PSKH2: variants seen among roughly 807,000 people sequenced by gnomAD.
PSKH2 encodes serine/threonine-protein kinase H2.
A neutral mutation model predicts 22.5 loss-of-function variants in PSKH2; 16 were observed. The ratio of observed to expected loss-of-function variants is 0.71; its 90% CI spans 0.48 to 1.08. The LOEUF is 1.08. Among genes scored for constraint, PSKH2 ranks in the 50% least tolerant of loss-of-function variants. The pLI, the probability that PSKH2 is intolerant of heterozygous loss-of-function variation, is 0.00. For missense variants in PSKH2, 516 were observed against 492.8 expected (o/e 1.05, Z -0.44); for synonymous variants, 188 against 184.8 (o/e 1.02, Z -0.14).
chr8:86,049,813 A>G (rs1467580468), intron 2 of PSKH2, among the ~76,000 whole-genome samples: 1 of 151,490 alleles, frequency 6.6e-6, no homozygotes, highest in Non-Finnish European at 1.5e-5. Context: ...AGAAAGAGGA[A>G]GAAAGAAAGG....
intron 2 of PSKH2, among the ~76,000 whole-genome samples, chr8:86,059,786 C>T (rs1423625199): frequency 1.3e-5 from 2 of 152,222 alleles, no homozygotes; most frequent in East Asian, 1.9e-4. Flanking sequence ...CACATCTATG[C>T]TTCCAGACTT....
At chr8:86,069,680 T>C (rs867951065), upstream of PSKH2, 15 of 1,440,408 alleles carry the variant, frequency 1.0e-5, 1 homozygote, top group Middle Eastern at 2.5e-4. Context: ...GCCAGCCCCG[T>C]TCCTCCGCCC....
intron 2 of PSKH2, among the ~76,000 whole-genome samples, chr8:86,055,661 T>C (rs1817689574): frequency 6.6e-6 from 1 of 152,194 alleles, no homozygotes; most frequent in Non-Finnish European, 1.5e-5. Context: ...CAATATTCAT[T>C]CCAAGAATTC....
At chr8:86,053,905 C>T (rs1817666134) in intron 2 of PSKH2, among the ~76,000 whole-genome samples, 2 of 152,062 alleles carry the variant, frequency 1.3e-5, no homozygotes, top group African/African-American at 4.8e-5. Context: ...AGCATGGTGA[C>T]ACGCAGCGGT....
Position 86,064,324 on chromosome 8 carries a change from G to A in PSKH2, c.493C>T (p.Gln165Ter), listed in dbSNP as rs780678403. 2.5e-6 allele frequency: 4 copies of A among 1,613,984 alleles called. No individual in the cohort carries two copies. The highest frequency in any genetic ancestry group is 3.4e-6 in the Non-Finnish European group (4 of 1,180,032). ...TACCTAATCCCATCAGCAACCATCT[G>A]GAGGATCCTGACGGCATCCCGCTCT... ...FTERDAVRIL[Q>*]MVADGIRYLH... The change falls in exon 2 of 3, where the codon CAG becomes TAG. Residue 165 changes from glutamine to a stop codon, truncating the protein, a stop_gained. Coordinates refer to ENST00000276616, the MANE Select transcript of PSKH2 (RefSeq NM_033126.3). LOFTEE classifies it high-confidence loss of function.
At chr8:86,058,223 G>T (rs1043066231) in intron 2 of PSKH2, among the ~76,000 whole-genome samples, 8 of 152,090 alleles carry the variant, frequency 5.3e-5, no homozygotes, top group African/African-American at 1.7e-4. Context: ...TCCACCATCT[G>T]CTGTACCTGT....
At chr8:86,051,383 C>G (rs980197081) in intron 2 of PSKH2, among the ~76,000 whole-genome samples, 1 of 152,162 alleles carries the variant, frequency 6.6e-6, no homozygotes, top group Non-Finnish European at 1.5e-5. Flanking sequence ...CACTGCCCCC[C>G]GCCTTAATCC....
At position 86,048,580 on chromosome 8, in the gene PSKH2, T is replaced by G; in HGVS notation, c.1040A>C (p.His347Pro). ...CTGTGCAGATCCAGGACTCTGAGAG[T>G]GGGGAGAGGCCCTCTGCATGAGGTT... ...SRNLMQRASPHSQSPGSAQSS... is the reference protein window; with the variant it reads ...SRNLMQRASPPSQSPGSAQSS... Residue 347 changes from histidine (H) to proline (P), a missense_variant, in exon 3 of 3, where the codon CAC becomes CCC. His to Pro is a moderately conservative substitution (Grantham distance 77, BLOSUM62 -2). Coordinates refer to ENST00000276616, the MANE Select transcript of PSKH2 (RefSeq NM_033126.3). 6.2e-7 allele frequency: 1 copy of G among 1,613,914 alleles called. No homozygotes were observed. Among genetic ancestry groups the G allele is most frequent in the South Asian group, 1.1e-5 (1 of 91,070 alleles).
rs1325955042 is a variant in PSKH2 at position 86,047,174 on chromosome 8, C to A, written c.*1288G>T. 6.6e-6 allele frequency among the ~76,000 whole-genome samples: 1 copy of A among 151,516 alleles called. No individual in the cohort carries two copies. The highest frequency in any genetic ancestry group is 1.5e-5 in the Non-Finnish European group (1 of 67,842). ...TACAAATGAAATGAAGCATTTTTTT[C>A]ATTTACTCATTAGCCATCTATATGT... On this transcript the variant is annotated 3_prime_UTR_variant, in exon 3 of 3. Coordinates refer to ENST00000276616, the MANE Select transcript of PSKH2 (RefSeq NM_033126.3).
Position 86,069,508 on chromosome 8 carries a change from CCGCCTCGGGCCCAGGCCCCG to C in PSKH2, c.95_114del (p.Ala32GlyfsTer26). On this transcript the variant is annotated frameshift_variant, in exon 1 of 3. Coordinates refer to ENST00000276616, the MANE Select transcript of PSKH2 (RefSeq NM_033126.3). LOFTEE classifies it high-confidence loss of function. ...TGTATCCTCTGCGCCGCCTGGGCCGCCGCCTCGGGCCCAGGCCCCGCGCCTCCGACGCCGGCTTGGTTTTG... is the reference window on the plus strand; with the variant it reads ...TGTATCCTCTGCGCCGCCTGGGCCGCCGCCTCCGACGCCGGCTTGGTTTTG... 1.2e-6 allele frequency: 2 copies of C among 1,608,674 alleles called. No individual in the cohort carries two copies. The highest frequency in any genetic ancestry group is 1.7e-6 in the Non-Finnish European group (2 of 1,178,252).
Position 86,048,408 on chromosome 8 carries a change from A to G in PSKH2, c.*54T>C, listed in dbSNP as rs1586054940. 24 of 1,366,516 alleles carry G rather than the reference A, an allele frequency of 1.8e-5. No individual in the cohort carries two copies. Among genetic ancestry groups the G allele is most frequent in the Middle Eastern group, 2.0e-4 (1 of 5,106 alleles). The allele number at this position is 1,366,516 out of a possible 1,614,324, so 84.6% of individuals were successfully genotyped here. A position where few individuals can be genotyped will look rare whatever the true frequency, so the allele number is the denominator to read the frequency against. The stretch of plus-strand genomic sequence containing the variant: ...TGTCTTTGGAGCTTGAGGGTGCCCT[A>G]ATCATGATGAAATGGTCCTAAAATA... On this transcript the variant is annotated 3_prime_UTR_variant, in exon 3 of 3. Transcript: ENST00000276616.
rs1232811035 is a variant in PSKH2, at chr8:86,064,268, A to G, written c.549T>C (p.Asn183=). Residue 183 remains asparagine (N), a synonymous_variant, in exon 2 of 3, where the codon AAT becomes AAC. Transcript: ENST00000276616. ...YLHALQITHR[N]LKPENLLYYH... ...AGTATAAGAGGTTTTCAGGCTTTAG[A>G]TTCCTATGAGTTATCTGCAGCGCAT... The G allele has an allele frequency of 1.2e-6, 2 of 1,614,010 alleles. No homozygotes were observed. Among genetic ancestry groups the G allele is most frequent in the Middle Eastern group, 1.6e-4 (1 of 6,084 alleles).
In PSKH2 at chr8:86,059,738, G is replaced by C. The variant is rs371331316; in HGVS notation, c.852+4227C>G. Among the ~76,000 whole-genome samples the C allele has an allele frequency of 1.3e-4, 20 of 152,314 alleles. No individual in the cohort carries two copies. The East Asian group carries it at 2.7e-3, about 21-fold the overall frequency. Reference sequence around the variant, plus strand: ...TAGCAATCACAGATTCTGGGTATTAGGGCATGGACATCTTTGGTGGGCCAT... The same window carrying C: ...TAGCAATCACAGATTCTGGGTATTACGGCATGGACATCTTTGGTGGGCCAT... On this transcript the variant is annotated intron_variant, in intron 2 of 2. Coordinates refer to ENST00000276616, the MANE Select transcript of PSKH2 (RefSeq NM_033126.3).
rs1563537561 is a variant in PSKH2 at position 86,047,484 on chromosome 8, T to C, written c.*978A>G. 6.6e-6 allele frequency among the ~76,000 whole-genome samples: 1 copy of C among 152,180 alleles called. No individual in the cohort carries two copies. The highest frequency in any genetic ancestry group is 2.4e-5 in the African/African-American group (1 of 41,464). On this transcript the variant is annotated 3_prime_UTR_variant, in exon 3 of 3. Coordinates refer to ENST00000276616, the MANE Select transcript of PSKH2 (RefSeq NM_033126.3). ...TGTCATTCTAACATTTTATTATTTT[T>C]CTGAATAAAATAAGCAATATCAACT...
At chr8:86,061,981 A>C (rs1356140885) in intron 2 of PSKH2, among the ~76,000 whole-genome samples, 1 of 152,266 alleles carries the variant, frequency 6.6e-6, no homozygotes, top group Non-Finnish European at 1.5e-5. Context: ...TAAACAAAAC[A>C]AAAACAGAAA....
chr8:86,067,898 G>C (rs1403465895), intron 1 of PSKH2, among the ~76,000 whole-genome samples: 1 of 152,172 alleles, frequency 6.6e-6, no homozygotes, highest in Non-Finnish European at 1.5e-5. Context: ...ATTGGTTAAA[G>C]ATGAGCCTTG....
At chr8:86,056,615 A>C (rs1360810362) in intron 2 of PSKH2, among the ~76,000 whole-genome samples, 1 of 152,244 alleles carries the variant, frequency 6.6e-6, no homozygotes. Context: ...GGCAAAATTC[A>C]AACTTTCAGT....
rs1286784711 is a variant in PSKH2, at chr8:86,064,237, G to A, written c.580C>T (p.Pro194Ser). The change falls in exon 2 of 3, where the codon CCA (proline) becomes TCA (serine). Residue 194 changes from proline to serine, a missense_variant. Transcript: ENST00000276616. ...ATTAAAATTTTCGACTCTTCACCTG[G>A]ATGATAGTATAAGAGGTTTTCAGGC... is the stretch of plus-strand genomic sequence containing the variant. ...LKPENLLYYH[P>S]GEESKILITD... 4 of 1,614,112 alleles carry A rather than the reference G, an allele frequency of 2.5e-6. No homozygotes were observed. The highest frequency in any genetic ancestry group is 3.4e-6 in the Non-Finnish European group (4 of 1,180,018).
In PSKH2 at chr8:86,056,926, TTTG is replaced by T. The variant is rs1208518864; in HGVS notation, c.852+7036_852+7038del. On this transcript the variant is annotated intron_variant, in intron 2 of 2. Coordinates refer to ENST00000276616, the MANE Select transcript of PSKH2 (RefSeq NM_033126.3). ...GGAGTTTTTTTTTTTTTTTGGTTTG[TTTG>T]TTGTTGTTGTTGTTGTTGCTTAGAG... 2.4e-4 allele frequency among the ~76,000 whole-genome samples: 35 copies of T among 146,608 alleles called. No individual in the cohort carries two copies. In the East Asian group the frequency reaches 5.8e-3, roughly 24 times the overall value.
Sources: allele counts gnomAD v4.1 joint callset (sites outside exome capture counted in the v4.1 genomes callset), GRCh38; gene constraint gnomAD v4.1.1; transcripts MANE v1.5; gene names NCBI Gene and HGNC (gene_info 2026-07-23, HGNC 2026-07-21).